Variants in NLK observed in about 807,000 individuals in gnomAD.
NLK encodes the protein serine/threonine-protein kinase NLK.
In NLK, 11 loss-of-function variants were observed where a neutral mutation model predicts 59.0. The observed-to-expected ratio is 0.19, with a 90% CI of 0.12 to 0.31. NLK has a LOEUF of 0.31. Among genes scored for constraint, NLK ranks in the 10% least tolerant of loss-of-function variants. The pLI, the probability that NLK is intolerant of heterozygous loss-of-function variation, is 1.00. For missense variants in NLK, 410 were observed against 661.1 expected (o/e 0.62, Z 4.16); for synonymous variants, 235 against 235.9 (o/e 1.00, Z 0.03).
intron 1 of NLK, among the ~76,000 whole-genome samples, chr17:28,103,747 G>A (rs1038761115): frequency 3.9e-5 from 6 of 152,256 alleles, no homozygotes; most frequent in East Asian, 3.9e-4. Flanking sequence ...ATTTGAAAAC[G>A]TAAGAGATAG....
intron 1 of NLK, among the ~76,000 whole-genome samples, chr17:28,068,066 G>A (rs541844094): frequency 2.6e-5 from 4 of 150,952 alleles, no homozygotes; most frequent in African/African-American, 4.9e-5. Flanking sequence ...GCTTGAAGCC[G>A]AGAGGTGGAG....
chr17:28,138,112 G>C (rs1433011259), intron 3 of NLK, among the ~76,000 whole-genome samples: 1 of 152,148 alleles, frequency 6.6e-6, no homozygotes, highest in Admixed American at 6.5e-5. Flanking sequence ...AGAAAACGGA[G>C]TTTATTATGC....
chr17:28,055,459 C>T (rs1909408285), intron 1 of NLK, among the ~76,000 whole-genome samples: 2 of 152,076 alleles, frequency 1.3e-5, no homozygotes, highest in South Asian at 2.1e-4. Flanking sequence ...ACCTCAGCCT[C>T]CTGAGTAGCT....
intron 2 of NLK, among the ~76,000 whole-genome samples, chr17:28,129,936 G>A (rs374434431): frequency 2.1e-4 from 32 of 152,168 alleles, no homozygotes; most frequent in African/African-American, 7.5e-4. Context: ...CTAACATAAT[G>A]AGCTTTTGTG....
chr17:28,061,060 G>C (rs779704358), intron 1 of NLK, among the ~76,000 whole-genome samples: 5 of 152,142 alleles, frequency 3.3e-5, no homozygotes, highest in Admixed American at 2.0e-4. Context: ...GTCTGGCTCT[G>C]ACACCCAGGC....
chr17:28,095,877 A>T (rs532889818), intron 1 of NLK, among the ~76,000 whole-genome samples: 3 of 152,352 alleles, frequency 2.0e-5, no homozygotes, highest in Admixed American at 6.5e-5. Flanking sequence ...TAGAAAAGTC[A>T]TCTTTTTCCC....
At chr17:28,114,092 C>T (rs1010654812) in intron 1 of NLK, among the ~76,000 whole-genome samples, 2 of 151,920 alleles carry the variant, frequency 1.3e-5, no homozygotes, top group Non-Finnish European at 2.9e-5. Context: ...GAGAGTATTC[C>T]ATTGTTTGAA....
intron 6 of NLK, among the ~76,000 whole-genome samples, chr17:28,170,365 A>C (rs1483099901): frequency 6.6e-6 from 1 of 151,724 alleles, no homozygotes. Context: ...GTAAATAATT[A>C]ATGCACTTGA....
At chr17:28,049,806 T>C (rs771366782) in intron 1 of NLK, among the ~76,000 whole-genome samples, 5 of 152,022 alleles carry the variant, frequency 3.3e-5, no homozygotes, top group Non-Finnish European at 7.4e-5. Context: ...CATGGTGAAA[T>C]CCCGTCTCTA....
At chr17:28,065,715 A>C (rs971964560) in intron 1 of NLK, among the ~76,000 whole-genome samples, 1 of 152,214 alleles carries the variant, frequency 6.6e-6, no homozygotes, top group Non-Finnish European at 1.5e-5. Context: ...GCAGTGATAA[A>C]TAAAAACATT....
chr17:28,201,136 G>T (rs553695431), downstream of NLK, among the ~76,000 whole-genome samples: 1 of 152,302 alleles, frequency 6.6e-6, no homozygotes, highest in South Asian at 2.1e-4. Context: ...CTGGCATGCA[G>T]TGGGTGTGAT....
intron 1 of NLK, among the ~76,000 whole-genome samples, chr17:28,110,904 G>T (rs2142802605): frequency 6.6e-6 from 1 of 151,644 alleles, no homozygotes. Context: ...GAGTGCAGTG[G>T]CGGGATCTCG....
At chr17:28,158,333 C>T (rs917679756) in intron 3 of NLK, among the ~76,000 whole-genome samples, 1 of 152,158 alleles carries the variant, frequency 6.6e-6, no homozygotes, top group Non-Finnish European at 1.5e-5. Flanking sequence ...AAAAATGGTA[C>T]ACCTGTATAG....
At chr17:28,111,941 G>GTGTGTGTA (rs1905539054) in intron 1 of NLK, among the ~76,000 whole-genome samples, 1 of 144,690 alleles carries the variant, frequency 6.9e-6, no homozygotes, top group East Asian at 2.0e-4. Flanking sequence ...GTGTGTGTGT[G>GTGTGTGTA]TGTGTATGTG....
At chr17:28,177,604 G>A (rs574266817) in intron 7 of NLK, among the ~76,000 whole-genome samples, 104 of 152,272 alleles carry the variant, frequency 6.8e-4, no homozygotes, top group Middle Eastern at 3.4e-3. Context: ...ATTTCCCCAA[G>A]TGTTTGCAAA....
chr17:28,106,403 T>G (rs551852236), intron 1 of NLK, among the ~76,000 whole-genome samples: 1 of 152,320 alleles, frequency 6.6e-6, no homozygotes, highest in African/African-American at 2.4e-5. Flanking sequence ...CTGCTTCTTA[T>G]ATGCTAACAG....
intron 3 of NLK, among the ~76,000 whole-genome samples, chr17:28,145,824 G>C (rs1007526724): frequency 5.9e-5 from 9 of 152,014 alleles, no homozygotes; most frequent in African/African-American, 9.7e-5. Context: ...TCCTGCCTCA[G>C]CCTCCTGAGT....
intron 1 of NLK, among the ~76,000 whole-genome samples, chr17:28,068,140 CAAA>C (rs1183536787): frequency 1.0e-4 from 7 of 69,862 alleles, no homozygotes; most frequent in African/African-American, 1.1e-4. Flanking sequence ...GACTCCGTCT[CAAA>C]AAAAAAAAAA....
chr17:28,152,877 A>T (rs1907539151), intron 3 of NLK, among the ~76,000 whole-genome samples: 1 of 152,010 alleles, frequency 6.6e-6, no homozygotes, highest in Non-Finnish European at 1.5e-5. Flanking sequence ...TCCTGCCTTG[A>T]TCTCCCAAAA....
Sources: allele counts gnomAD v4.1 joint callset (sites outside exome capture counted in the v4.1 genomes callset), GRCh38; gene constraint gnomAD v4.1.1; transcripts MANE v1.5; gene names NCBI Gene and HGNC (gene_info 2026-07-23, HGNC 2026-07-21).